Variants in KIF20B observed in about 807,000 individuals in gnomAD.
KIF20B encodes the protein kinesin-like protein KIF20B.
A neutral mutation model predicts 232.5 loss-of-function variants in KIF20B; 188 were observed. The observed-to-expected ratio is 0.81, with a 90% CI of 0.72 to 0.91. The LOEUF (loss-of-function observed/expected upper bound fraction) is 0.91. KIF20B is among the 40% of genes least tolerant of loss of function. KIF20B has a pLI of 0.00. For synonymous variants in KIF20B, 712 were observed against 683.0 expected (o/e 1.04, Z -0.66); for missense variants, 2,154 against 2,055.9 (o/e 1.05, Z -0.92).
Position 89,762,690 on chromosome 10 carries a change from G to A in KIF20B, c.4844G>A (p.Ser1615Asn). ...SCEVSTENDQ[S>N]TRFPKPELEI... ...GAAGTGTCAACAGAAAATGATCAAA[G>A]CACTCGATTTCCAAAACCTGAGTTA... The change falls in exon 29 of 33, where the codon AGC becomes AAC. Residue 1615 changes from serine to asparagine, a missense_variant. By Grantham distance (46) the Ser-to-Asn change is conservative. Transcript: ENST00000371728. The A allele has an allele frequency of 1.9e-6, 3 of 1,613,630 alleles. No individual in the cohort carries two copies. Among genetic ancestry groups the A allele is most frequent in the Non-Finnish European group, 2.5e-6 (3 of 1,179,762 alleles).
At chr10:89,729,011 CTTTA>C (rs1228743891) in intron 17 of KIF20B, 113 bp from the exon 18 acceptor site, 14 of 966,126 alleles carry the variant, frequency 1.4e-5, no homozygotes, top group East Asian at 5.1e-5. Context: ...CACTGATTAG[CTTTA>C]TTTAACTTTA....
intron 23 of KIF20B, 22 bp downstream of exon 23, chr10:89,745,981 C>T (rs931539216): frequency 6.3e-7 from 1 of 1,585,120 alleles, no homozygotes; most frequent in African/African-American, 1.3e-5. Flanking sequence ...GTTTGTACTT[C>T]TGGAACCAGA....
chr10:89,748,858 T>C (rs1429439163), intron 23 of KIF20B, among the ~76,000 whole-genome samples: 1 of 152,248 alleles, frequency 6.6e-6, no homozygotes, highest in Non-Finnish European at 1.5e-5. Context: ...ACTATTTTAA[T>C]CTGACTTCCA....
In KIF20B at chr10:89,716,519, A is replaced by T. The variant is rs1189808648; in HGVS notation, c.1024A>T (p.Thr342Ser). The T allele has an allele frequency of 1.3e-6, 2 of 1,575,370 alleles. No individual in the cohort carries two copies. The highest frequency in any genetic ancestry group is 4.5e-5 in the East Asian group (2 of 44,528). The change falls in exon 9 of 33, where the codon ACA becomes TCA. Residue 342 changes from threonine to serine, a missense_variant. By Grantham distance (58) the Thr-to-Ser change is moderately conservative (BLOSUM62 1). Transcript: ENST00000371728. ...LGIKHQSVAF[T>S]KLNNASSRSH... is the part of the protein sequence containing the mutation. Reference sequence around the variant, plus strand: ...AATAAAGCACCAGAGTGTTGCCTTCACAAAATTGAATAATGCTTCCAGTAG... The same window carrying T: ...AATAAAGCACCAGAGTGTTGCCTTCTCAAAATTGAATAATGCTTCCAGTAG...
chr10:89,767,511 A>G (rs974940109), intron 29 of KIF20B, among the ~76,000 whole-genome samples: 5 of 151,860 alleles, frequency 3.3e-5, no homozygotes, highest in Non-Finnish European at 7.4e-5. Context: ...CTGCTTTGTA[A>G]TTTGGATTCT....
rs1408543615 is a variant in KIF20B, at chr10:89,757,028, G to GTA, written c.4504-1677_4504-1676insAT. 3.1e-3 allele frequency among the ~76,000 whole-genome samples: 294 copies of GTA among 94,016 alleles called. 2 individuals are homozygous for GTA. The highest frequency in any genetic ancestry group is 4.7e-3 in the Non-Finnish European group (216 of 46,084). 61.7% of individuals were successfully genotyped at this position (94,016 alleles called of 152,430 possible). On this transcript the variant is annotated intron_variant, in intron 26 of 32. Transcript: ENST00000371728. ...ACATTTGCATATATCTCTGTTGTGTGTGTGTGTGTGTGTATATATATATAT... is the reference window on the plus strand; with the variant it reads ...ACATTTGCATATATCTCTGTTGTGTGTATGTGTGTGTGTGTATATATATATAT...
chr10:89,704,084 G>A lies in KIF20B; in HGVS notation c.-1-1210G>A, dbSNP rs148718838. Among the ~76,000 whole-genome samples the A allele has an allele frequency of 5.3e-5, 8 of 152,206 alleles. No homozygotes were observed. In the East Asian group the frequency reaches 1.5e-3, roughly 29 times the overall value. ...TTTAATTTTTATTTTAAACATTCAT[G>A]GTCCTTGATCCAGTGGGCTTTTGAG... On this transcript the variant is annotated intron_variant, in intron 1 of 32. Transcript: ENST00000371728.
intron 18 of KIF20B, 80 bp downstream of exon 18, chr10:89,729,327 T>C: frequency 1.6e-6 from 2 of 1,255,372 alleles, no homozygotes; most frequent in Non-Finnish European, 2.1e-6. Flanking sequence ...TAAAATAGCT[T>C]ATGCAACTAA....
chr10:89,730,256 G>A (rs1843287939), intron 18 of KIF20B, among the ~76,000 whole-genome samples: 1 of 152,170 alleles, frequency 6.6e-6, no homozygotes, highest in Non-Finnish European at 1.5e-5. Flanking sequence ...TATTTAATAT[G>A]TTAATAATAA....
rs1239060758 is a variant in KIF20B at position 89,709,256 on chromosome 10, T to C, written c.234+3T>C. 2.5e-6 allele frequency: 4 copies of C among 1,602,238 alleles called. No homozygotes were observed. The South Asian group carries it at 3.4e-5, about 13-fold the overall frequency. ...CAGAAAAAGAACTTGAGTCTGAGGT[T>C]TGTGTTGAATTTAATAGAATTTTAA... On this transcript the variant is annotated splice_donor_region_variant and intron_variant, in intron 3 of 32. Coordinates refer to ENST00000371728, the MANE Select transcript of KIF20B (RefSeq NM_001284259.2).
intron 13 of KIF20B, among the ~76,000 whole-genome samples, chr10:89,719,916 G>A (rs1191765371): frequency 1.3e-5 from 2 of 152,076 alleles, no homozygotes; most frequent in Non-Finnish European, 2.9e-5. Flanking sequence ...ACCATTTTAT[G>A]AGTATGTGAA....
chr10:89,763,511 G>T (rs1365809453), intron 29 of KIF20B, among the ~76,000 whole-genome samples: 1 of 152,138 alleles, frequency 6.6e-6, no homozygotes, highest in Non-Finnish European at 1.5e-5. Context: ...TAACTTGCTT[G>T]TGTATAATCT....
At chr10:89,736,863 A>G (rs1841664704) in intron 19 of KIF20B, among the ~76,000 whole-genome samples, 1 of 152,132 alleles carries the variant, frequency 6.6e-6, no homozygotes, top group Non-Finnish European at 1.5e-5. Context: ...TAGTAAGGCT[A>G]TATTATATGA....
At chr10:89,737,098 T>C (rs914496482) in intron 19 of KIF20B, among the ~76,000 whole-genome samples, 1 of 152,104 alleles carries the variant, frequency 6.6e-6, no homozygotes, top group Non-Finnish European at 1.5e-5. Flanking sequence ...TACTGAAAGT[T>C]AGAAATAGCT....
chr10:89,769,523 G>A (rs1483732639), intron 31 of KIF20B, among the ~76,000 whole-genome samples: 1 of 151,284 alleles, frequency 6.6e-6, no homozygotes, highest in Admixed American at 6.6e-5. Flanking sequence ...TTTTTTCTGT[G>A]CATATGTAAA....
chr10:89,723,155 A>C (rs1198567345), intron 13 of KIF20B, among the ~76,000 whole-genome samples: 2 of 152,188 alleles, frequency 1.3e-5, no homozygotes, highest in African/African-American at 2.4e-5. Context: ...AGAGTTTCAA[A>C]GTCTGGATAG....
chr10:89,727,477 A>C (rs191901977), intron 16 of KIF20B, among the ~76,000 whole-genome samples: 2 of 152,346 alleles, frequency 1.3e-5, no homozygotes, highest in East Asian at 3.9e-4. Context: ...AATTAGTTGC[A>C]ATAACTGCTC....
chr10:89,724,129 TA>T lies in KIF20B; in HGVS notation c.1862+31del, dbSNP rs746365629. On this transcript the variant is annotated intron_variant, in intron 14 of 32. Coordinates refer to ENST00000371728, the MANE Select transcript of KIF20B (RefSeq NM_001284259.2). ...GTAAGTTATTTATTTCATGTCCAGG[TA>T]AAAATTGAGAATTTTATTTAGTTTT... 6.9e-6 allele frequency: 10 copies of T among 1,442,186 alleles called. No homozygotes were observed. In the African/African-American group the frequency reaches 1.3e-4, roughly 19 times the overall value. 89.3% of individuals were successfully genotyped at this position (1,442,186 alleles called of 1,614,324 possible).
intron 26 of KIF20B, among the ~76,000 whole-genome samples, chr10:89,757,165 C>T (rs1171299260): frequency 2.0e-5 from 3 of 150,988 alleles, no homozygotes; most frequent in Non-Finnish European, 4.4e-5. Flanking sequence ...CATTTATACC[C>T]CAACTAGTGT....
Sources: gnomAD v4.1 joint callset for allele counts (sites outside exome capture counted in the v4.1 genomes callset) on GRCh38, gnomAD v4.1.1 for gene constraint, MANE v1.5 for transcripts, NCBI Gene and HGNC (gene_info 2026-07-23, HGNC 2026-07-21) for gene names.